Variants in PRKD1 observed in about 807,000 individuals in gnomAD.
PRKD1 encodes the protein serine/threonine-protein kinase D1.
In PRKD1, 63 loss-of-function variants were observed where a neutral mutation model predicts 95.9. The observed-to-expected ratio is 0.66, with a 90% CI of 0.54 to 0.81. The LOEUF (loss-of-function observed/expected upper bound fraction) is 0.81. Ranked by LOEUF, PRKD1 falls within the 30% of genes least tolerant of loss-of-function variation. The pLI is 0.00. For synonymous variants in PRKD1, 425 were observed against 423.1 expected (o/e 1.00, Z -0.05); for missense variants, 1,048 against 1,165.3 (o/e 0.90, Z 1.47).
intron 13 of PRKD1, among the ~76,000 whole-genome samples, chr14:29,613,524 C>A (rs1402558834): frequency 6.6e-6 from 1 of 152,286 alleles, no homozygotes; most frequent in Non-Finnish European, 1.5e-5. Flanking sequence ...GTTGTGGCTA[C>A]ATATTTCATT....
intron 1 of PRKD1, among the ~76,000 whole-genome samples, chr14:29,814,824 G>C (rs1408862799): frequency 6.6e-6 from 1 of 152,072 alleles, no homozygotes; most frequent in Non-Finnish European, 1.5e-5. Flanking sequence ...TATATTTTAT[G>C]CAATTTAATT....
intron 13 of PRKD1, among the ~76,000 whole-genome samples, chr14:29,618,524 G>A (rs1879025299): frequency 6.6e-6 from 1 of 152,162 alleles, no homozygotes; most frequent in African/African-American, 2.4e-5. Flanking sequence ...ACAACGTGCT[G>A]GGATTCCAGG....
At chr14:29,636,246 C>T (rs765040851) in intron 7 of PRKD1, 44 bp downstream of exon 7, 1 of 1,606,848 alleles carries the variant, frequency 6.2e-7, no homozygotes, top group East Asian at 2.2e-5. Flanking sequence ...GAAAATACTG[C>T]CTGGGGTTCC....
At position 29,666,196 on chromosome 14, in the gene PRKD1, A is replaced by G; in HGVS notation, c.416T>C (p.Phe139Ser). 6.3e-7 allele frequency: 1 copy of G among 1,593,398 alleles called. No individual in the cohort carries two copies. Among genetic ancestry groups the G allele is most frequent in the Non-Finnish European group, 8.6e-7 (1 of 1,165,684 alleles). ...IEVVLSASAT[F>S]EDFQIRPHAL... ...GTGGGGACGAATCTGAAAGTCTTCA[A>G]AGGTGGCGGAAGCTGTAAAAATAGT... The change falls in exon 3 of 18, where the codon TTT becomes TCT. Residue 139 changes from phenylalanine to serine, a missense_variant. By Grantham distance (155) the Phe-to-Ser change is radical. This residue lies in a region of PRKD1 where 275 missense variants were observed against 248.6 expected (regional missense o/e 1.11). Coordinates refer to ENST00000331968, the MANE Select transcript of PRKD1 (RefSeq NM_002742.3).
chr14:29,719,572 G>T (rs920139260), intron 2 of PRKD1, among the ~76,000 whole-genome samples: 1 of 152,188 alleles, frequency 6.6e-6, no homozygotes, highest in African/African-American at 2.4e-5. Flanking sequence ...TGAACACTTA[G>T]ATTCAAGCTC....
chr14:29,906,870 T>C (rs961372496), intron 1 of PRKD1, among the ~76,000 whole-genome samples: 11 of 152,234 alleles, frequency 7.2e-5, no homozygotes, highest in Non-Finnish European at 1.5e-5. Flanking sequence ...TTCTGATTTT[T>C]TTCTCCAAAG....
At chr14:29,638,607 G>C (rs532428374) in intron 5 of PRKD1, 41 bp from the exon 6 acceptor site, 24 of 1,613,078 alleles carry the variant, frequency 1.5e-5, no homozygotes, top group South Asian at 2.2e-5. Context: ...ATGAGAATTT[G>C]TCATAAAGAA....
At chr14:29,779,199 C>T (rs1888918909) in intron 1 of PRKD1, among the ~76,000 whole-genome samples, 1 of 152,094 alleles carries the variant, frequency 6.6e-6, no homozygotes. Context: ...TGGGCAAAAA[C>T]GGGAAGCGTT....
Position 29,655,366 on chromosome 14 carries a change from A to C in PRKD1, c.696+8333T>G, listed in dbSNP as rs537154094. ...TTCATCCTGTAGCTTATGAATCAGA[A>C]ATCTTGACTCATCCATCTTAATTAA... On this transcript the variant is annotated intron_variant, in intron 4 of 17. Transcript: ENST00000331968. 5.3e-5 allele frequency among the ~76,000 whole-genome samples: 8 copies of C among 152,310 alleles called. No homozygotes were observed. In the South Asian group the frequency reaches 1.7e-3, roughly 32 times the overall value.
intron 1 of PRKD1, among the ~76,000 whole-genome samples, chr14:29,852,569 A>T (rs964876686): frequency 2.0e-5 from 3 of 152,044 alleles, no homozygotes; most frequent in Non-Finnish European, 4.4e-5. Context: ...AGAGGCATAA[A>T]GAGTATTTTA....
chr14:29,655,959 A>C (rs1881812054), intron 4 of PRKD1, among the ~76,000 whole-genome samples: 1 of 151,256 alleles, frequency 6.6e-6, no homozygotes, highest in South Asian at 2.1e-4. Flanking sequence ...AAAAAAAAGA[A>C]AAGGTAAGTT....
At chr14:29,689,234 C>T (rs1470357544) in intron 2 of PRKD1, among the ~76,000 whole-genome samples, 1 of 151,522 alleles carries the variant, frequency 6.6e-6, no homozygotes, top group African/African-American at 2.4e-5. Flanking sequence ...GGGGTAATAT[C>T]CAGAGTCTAC....
At chr14:29,631,397 A>C (rs11846227) in intron 9 of PRKD1, among the ~76,000 whole-genome samples, 13,631 of 152,238 alleles carry the variant, frequency 0.09, 1,547 homozygotes, top group African/African-American at 0.26. Flanking sequence ...GGCTATTTTT[A>C]AATTTTAACC....
intron 1 of PRKD1, among the ~76,000 whole-genome samples, chr14:29,789,313 T>A (rs1389857053): frequency 1.3e-5 from 2 of 152,244 alleles, no homozygotes; most frequent in African/African-American, 4.8e-5. Flanking sequence ...CCTTGCTTTT[T>A]CATTTTTCTG....
intron 2 of PRKD1, among the ~76,000 whole-genome samples, chr14:29,671,366 C>T (rs1882832603): frequency 1.3e-5 from 2 of 152,076 alleles, no homozygotes; most frequent in Non-Finnish European, 2.9e-5. Context: ...AAGTAAGTGG[C>T]TCCGGCCAGA....
At chr14:29,889,151 C>T (rs76195209) in intron 1 of PRKD1, among the ~76,000 whole-genome samples, 1,551 of 152,236 alleles carry the variant, frequency 0.01, 30 homozygotes, top group African/African-American at 0.036. Context: ...TGGATATAAG[C>T]GTCTAAAGTT....
chr14:29,845,220 A>G (rs1447056460), intron 1 of PRKD1, among the ~76,000 whole-genome samples: 2 of 152,234 alleles, frequency 1.3e-5, no homozygotes, highest in Non-Finnish European at 2.9e-5. Context: ...GTTGAGTGCT[A>G]CTAAAACATA....
At position 29,581,041 on chromosome 14, in the gene PRKD1, C is replaced by CA. The variant is rs915824868; in HGVS notation, c.2435-2682dup. ...CCTTTAATTCATATCCTACTCAAAG[C>CA]AAAAAAAAAAAAGTGTTTTCTTTTT... On this transcript the variant is annotated intron_variant, in intron 16 of 17. Coordinates refer to ENST00000331968, the MANE Select transcript of PRKD1 (RefSeq NM_002742.3). 6.4e-3 allele frequency among the ~76,000 whole-genome samples: 886 copies of CA among 137,782 alleles called. 9 individuals are homozygous for CA. Among genetic ancestry groups the CA allele is most frequent in the African/African-American group, 0.021 (775 of 37,616 alleles). 90.4% of individuals were successfully genotyped at this position (137,782 alleles called of 152,430 possible). A position where few individuals can be genotyped will look rare whatever the true frequency, so the allele number is the denominator to read the frequency against.
chr14:29,826,187 T>TACACAC (rs1197456009), intron 1 of PRKD1, among the ~76,000 whole-genome samples: 1 of 140,600 alleles, frequency 7.1e-6, no homozygotes, highest in Admixed American at 7.6e-5. Context: ...AATATATATA[T>TACACAC]ACATATATAT....
Sources: allele counts gnomAD v4.1 joint callset (sites outside exome capture counted in the v4.1 genomes callset), GRCh38; gene constraint gnomAD v4.1.1; regional missense constraint gnomAD v4.1.1; transcripts MANE v1.5; gene names NCBI Gene and HGNC (gene_info 2026-07-23, HGNC 2026-07-21).